Variants in HDAC4 observed in about 807,000 individuals in gnomAD.
HDAC4 encodes the protein histone deacetylase 4.
In HDAC4, 16 loss-of-function variants were observed where a neutral mutation model predicts 135.1. That is an observed-to-expected ratio of 0.12 (90% confidence interval 0.08 to 0.18). The LOEUF (loss-of-function observed/expected upper bound fraction) is 0.18, where lower values mean the gene tolerates loss of function less well. HDAC4 is among the 10% of genes least tolerant of loss of function. HDAC4 has a pLI of 1.00. For missense variants in HDAC4, 1,143 were observed against 1,511.8 expected (o/e 0.76, Z 4.05); for synonymous variants, 685 against 653.4 (o/e 1.05, Z -0.74).
intron 1 of HDAC4, among the ~76,000 whole-genome samples, chr2:239,371,659 G>A (rs1386461516): frequency 1.3e-5 from 2 of 151,902 alleles, no homozygotes; most frequent in East Asian, 1.9e-4. Flanking sequence ...ACATACGCAC[G>A]GACTCACTCA....
chr2:239,201,052 G>A (rs752487623), intron 3 of HDAC4, among the ~76,000 whole-genome samples: 3 of 152,158 alleles, frequency 2.0e-5, no homozygotes, highest in Non-Finnish European at 2.9e-5. Context: ...TCTGGCCCAC[G>A]GCCTTTAGTG....
chr2:239,334,632 T>C (rs1466384427), intron 2 of HDAC4, among the ~76,000 whole-genome samples: 1 of 152,184 alleles, frequency 6.6e-6, no homozygotes, highest in Non-Finnish European at 1.5e-5. Flanking sequence ...TATTCGTAGA[T>C]TAGAAGACTC....
intron 16 of HDAC4, among the ~76,000 whole-genome samples, chr2:239,101,353 G>A (rs976312343): frequency 3.9e-5 from 6 of 152,200 alleles, no homozygotes; most frequent in African/African-American, 1.4e-4. Context: ...AGGTGCCCTC[G>A]GCGAGTGGAT....
intron 12 of HDAC4, among the ~76,000 whole-genome samples, chr2:239,120,195 A>G (rs1405751743): frequency 6.6e-6 from 1 of 152,182 alleles, no homozygotes; most frequent in Admixed American, 6.5e-5. Context: ...TGGGAGACAG[A>G]TCAGAACTGG....
Position 239,225,043 on chromosome 2 carries a change from T to C in HDAC4, c.94+11550A>G, listed in dbSNP as rs1006192050. On this transcript the variant is annotated intron_variant, in intron 3 of 26. Coordinates refer to ENST00000543185, the MANE Select transcript of HDAC4 (RefSeq NM_001378414.1). ...AATTTCTAACCATAATGGAGTAAAT[T>C]AGAAATGAATAACAAAAAAGATGAC... 2.6e-5 allele frequency among the ~76,000 whole-genome samples: 4 copies of C among 152,122 alleles called. No individual in the cohort carries two copies. In the East Asian group the frequency reaches 5.8e-4, roughly 22 times the overall value.
At chr2:239,273,638 C>T (rs902064150) in intron 2 of HDAC4, among the ~76,000 whole-genome samples, 6 of 152,158 alleles carry the variant, frequency 3.9e-5, no homozygotes, top group South Asian at 2.1e-4. Context: ...AGCCCCGGTC[C>T]GGCGCAGGCT....
intron 3 of HDAC4, among the ~76,000 whole-genome samples, chr2:239,222,163 G>A (rs1426513154): frequency 6.6e-6 from 1 of 152,132 alleles, no homozygotes; most frequent in Admixed American, 6.5e-5. Context: ...ACGGCAGCCC[G>A]TGATGTTATT....
chr2:239,302,752 C>T (rs892506954), intron 2 of HDAC4, among the ~76,000 whole-genome samples: 1 of 152,260 alleles, frequency 6.6e-6, no homozygotes, highest in Non-Finnish European at 1.5e-5. Flanking sequence ...CGTGGGCGCA[C>T]CCCTGCAGGA....
intron 18 of HDAC4, among the ~76,000 whole-genome samples, chr2:239,088,363 C>T (rs920240006): frequency 3.9e-5 from 6 of 152,206 alleles, no homozygotes; most frequent in South Asian, 2.1e-4. Context: ...GTGAGCCGGA[C>T]GCCGCAGGGA....
At chr2:239,061,953 A>G (rs1228223078) in intron 24 of HDAC4, among the ~76,000 whole-genome samples, 1 of 152,178 alleles carries the variant, frequency 6.6e-6, no homozygotes, top group Non-Finnish European at 1.5e-5. Context: ...GACAGGAGAG[A>G]CGGTCCTTTC....
intron 17 of HDAC4, chr2:239,091,194 C>T (rs931885801): frequency 1.2e-4 from 18 of 152,250 alleles, no homozygotes; most frequent in African/African-American, 3.9e-4. Flanking sequence ...GGAGGAAAGT[C>T]GACAGACAGA....
At chr2:239,086,610 C>T (rs553871051) in intron 19 of HDAC4, among the ~76,000 whole-genome samples, 12 of 152,374 alleles carry the variant, frequency 7.9e-5, no homozygotes, top group East Asian at 3.9e-4. Flanking sequence ...CACGTCCTGC[C>T]GGCCCCTCCG....
chr2:239,175,468 T>C (rs2043702219), intron 5 of HDAC4, among the ~76,000 whole-genome samples: 1 of 152,200 alleles, frequency 6.6e-6, no homozygotes, highest in Admixed American at 6.5e-5. Context: ...AGTAGATGCG[T>C]CCCTCTAACT....
chr2:239,170,092 A>G (rs1444801651), intron 5 of HDAC4, among the ~76,000 whole-genome samples: 3 of 152,250 alleles, frequency 2.0e-5, no homozygotes, highest in Non-Finnish European at 2.9e-5. Context: ...ATAATTGATA[A>G]AAGTGTTAGT....
At chr2:239,081,331 G>A in intron 21 of HDAC4, 139 bp from the exon 22 acceptor site, 1 of 726,060 alleles carries the variant, frequency 1.4e-6, no homozygotes, top group South Asian at 1.5e-5. Context: ...TGATCTCCTG[G>A]TGCATATTCA....
rs556649924 is a variant in HDAC4, at chr2:239,281,050, T to C, written c.23-44386A>G. 4.8e-5 allele frequency among the ~76,000 whole-genome samples: 6 copies of C among 126,264 alleles called. 1 individual carries two copies. Among genetic ancestry groups the C allele is most frequent in the Non-Finnish European group, 8.4e-5 (5 of 59,544 alleles). 82.8% of individuals were successfully genotyped at this position (126,264 alleles called of 152,430 possible). A position where few individuals can be genotyped will look rare whatever the true frequency, so the allele number is the denominator to read the frequency against. On this transcript the variant is annotated intron_variant, in intron 2 of 26. Coordinates refer to ENST00000543185, the MANE Select transcript of HDAC4 (RefSeq NM_001378414.1). ...TCTCAATGTACATACCACTCTACAA[T>C]GTACACACCACTCTTAATGTACACA... is the stretch of plus-strand genomic sequence containing the variant.
At chr2:239,277,362 C>G (rs1206851961) in intron 2 of HDAC4, among the ~76,000 whole-genome samples, 1 of 152,128 alleles carries the variant, frequency 6.6e-6, no homozygotes, top group African/African-American at 2.4e-5. Context: ...AAGCTCATTA[C>G]CAGAAGGGAA....
chr2:239,131,835 T>A (rs996604255), intron 11 of HDAC4, among the ~76,000 whole-genome samples: 1 of 152,214 alleles, frequency 6.6e-6, no homozygotes, highest in African/African-American at 2.4e-5. Flanking sequence ...TAATTCTGAC[T>A]TATTTATTTA....
intron 12 of HDAC4, among the ~76,000 whole-genome samples, chr2:239,120,582 A>G (rs3791434): frequency 0.5 from 63,576 of 128,188 alleles, 17,019 homozygotes; most frequent in South Asian, 0.72. Flanking sequence ...GCAAGGGGAG[A>G]AGGAGGAAGG....
Sources: allele counts gnomAD v4.1 joint callset (sites outside exome capture counted in the v4.1 genomes callset), GRCh38; gene constraint gnomAD v4.1.1; transcripts MANE v1.5; gene names NCBI Gene and HGNC (gene_info 2026-07-23, HGNC 2026-07-21).